Variants in SNX24 observed in about 807,000 individuals in gnomAD.
SNX24 encodes the protein sorting nexin-24.
In SNX24, 22 loss-of-function variants were observed where a neutral mutation model predicts 28.7. The ratio of observed to expected loss-of-function variants is 0.77; its 90% confidence interval spans 0.55 to 1.10. The LOEUF is 1.10. Among genes scored for constraint, SNX24 ranks in the 50% least tolerant of loss-of-function variants. The pLI is 0.00. For missense variants in SNX24, 221 were observed against 201.1 expected (o/e 1.10, Z -0.60); for synonymous variants, 69 against 71.5 (o/e 0.96, Z 0.18).
chr5:123,000,060 C>T (rs1762191707), intron 4 of SNX24, 54 bp downstream of exon 4: 7 of 1,168,776 alleles, frequency 6.0e-6, no homozygotes, highest in South Asian at 2.4e-5. Flanking sequence ...CTTCAATGAC[C>T]AATTGATCTA....
intron 3 of SNX24, among the ~76,000 whole-genome samples, chr5:122,997,684 C>A (rs13187952): frequency 6.6e-6 from 1 of 151,952 alleles, no homozygotes; most frequent in Non-Finnish European, 1.5e-5. Context: ...ATGGATGACA[C>A]GTCTAAAGAT....
chr5:122,994,843 G>A (rs933358747), intron 3 of SNX24, among the ~76,000 whole-genome samples: 1 of 152,150 alleles, frequency 6.6e-6, no homozygotes, highest in Non-Finnish European at 1.5e-5. Context: ...GTAACATTGT[G>A]TAAAGAAAAA....
chr5:122,986,989 A>G (rs543014309), intron 3 of SNX24, among the ~76,000 whole-genome samples: 1 of 152,266 alleles, frequency 6.6e-6, no homozygotes, highest in South Asian at 2.1e-4. Flanking sequence ...GCAGAGATAT[A>G]GGAATTGGCT....
At chr5:122,866,257 C>G (rs1755716987) in intron 1 of SNX24, among the ~76,000 whole-genome samples, 1 of 152,188 alleles carries the variant, frequency 6.6e-6, no homozygotes, top group Non-Finnish European at 1.5e-5. Context: ...TCAAGCAGTT[C>G]TCCTGCCTCA....
chr5:122,893,342 C>T (rs932606139), intron 1 of SNX24, among the ~76,000 whole-genome samples: 1 of 151,808 alleles, frequency 6.6e-6, no homozygotes, highest in African/African-American at 2.4e-5. Context: ...GCAGGTTCAC[C>T]TTGTACTTTC....
intron 1 of SNX24, among the ~76,000 whole-genome samples, chr5:122,855,610 A>G (rs950619169): frequency 3.3e-5 from 5 of 152,098 alleles, no homozygotes; most frequent in African/African-American, 7.2e-5. Context: ...ATGAGACCCA[A>G]TCTCTATTAA....
chr5:122,895,966 T>G (rs1358696554), intron 1 of SNX24, among the ~76,000 whole-genome samples: 1 of 152,132 alleles, frequency 6.6e-6, no homozygotes, highest in Non-Finnish European at 1.5e-5. Flanking sequence ...CTGGCCAACA[T>G]GGTGAAACCC....
At chr5:122,914,325 A>C (rs1294379080) in intron 1 of SNX24, among the ~76,000 whole-genome samples, 1 of 152,208 alleles carries the variant, frequency 6.6e-6, no homozygotes, top group East Asian at 1.9e-4. Flanking sequence ...TTTTTGCATC[A>C]ATGTTCATCA....
chr5:122,854,517 AAAAAAAAAAAC>A (rs1755086852), intron 1 of SNX24, among the ~76,000 whole-genome samples: 3 of 28,836 alleles, frequency 1.0e-4, no homozygotes, highest in East Asian at 1.1e-3. Context: ...CAAAAAAACA[AAAAAAAAAAAC>A]AAAAAAAAAA....
At chr5:122,856,873 A>G (rs1176383557) in intron 1 of SNX24, among the ~76,000 whole-genome samples, 3 of 152,050 alleles carry the variant, frequency 2.0e-5, no homozygotes, top group African/African-American at 4.8e-5. Flanking sequence ...CGTGACTCCA[A>G]AGTCTTCCAT....
chr5:122,982,377 A>G (rs1761429618), intron 3 of SNX24, among the ~76,000 whole-genome samples: 1 of 152,246 alleles, frequency 6.6e-6, no homozygotes, highest in South Asian at 2.1e-4. Flanking sequence ...TACTTTTTAT[A>G]TTACAGAATT....
chr5:122,854,280 G>A (rs970975919), intron 1 of SNX24, among the ~76,000 whole-genome samples: 14 of 151,990 alleles, frequency 9.2e-5, no homozygotes, highest in African/African-American at 2.4e-4. Context: ...AGGCTGAGGC[G>A]GGTGGATCAC....
intron 1 of SNX24, among the ~76,000 whole-genome samples, chr5:122,861,318 T>C (rs1345142845): frequency 6.6e-6 from 1 of 152,094 alleles, no homozygotes; most frequent in African/African-American, 2.4e-5. Flanking sequence ...TCAGCCTGGG[T>C]GACAGAGCGA....
chr5:122,887,998 G>T (rs142573444), intron 1 of SNX24, among the ~76,000 whole-genome samples: 2 of 152,216 alleles, frequency 1.3e-5, no homozygotes, highest in East Asian at 3.9e-4. Flanking sequence ...CACCGCACTC[G>T]GCCTATATTG....
At chr5:122,860,855 C>G (rs1356784930) in intron 1 of SNX24, among the ~76,000 whole-genome samples, 2 of 151,980 alleles carry the variant, frequency 1.3e-5, no homozygotes, top group Non-Finnish European at 2.9e-5. Context: ...CTTGGCCTCC[C>G]AAAGTGCTGG....
chr5:122,903,318 C>T (rs1403271883), intron 1 of SNX24, among the ~76,000 whole-genome samples: 1 of 152,062 alleles, frequency 6.6e-6, no homozygotes, highest in Non-Finnish European at 1.5e-5. Context: ...TCCATGTTGC[C>T]CAAGCTGGTC....
intron 5 of SNX24, among the ~76,000 whole-genome samples, chr5:123,027,503 G>A (rs34753686): frequency 0.027 from 4,099 of 152,266 alleles, 75 homozygotes; most frequent in Non-Finnish European, 0.037. Flanking sequence ...GGGCACCAGC[G>A]CTGCAGGGTT....
intron 3 of SNX24, among the ~76,000 whole-genome samples, chr5:122,977,700 T>G (rs1761224248): frequency 1.3e-5 from 2 of 152,316 alleles, no homozygotes; most frequent in Admixed American, 1.3e-4. Flanking sequence ...TTCATCACAA[T>G]TATTTGACTT....
intron 5 of SNX24, among the ~76,000 whole-genome samples, chr5:123,026,788 T>C (rs1465040749): frequency 6.6e-6 from 1 of 152,122 alleles, no homozygotes; most frequent in Non-Finnish European, 1.5e-5. Flanking sequence ...CCACAGACCA[T>C]AAGAAGGATC....
Sources: gnomAD v4.1 joint callset for allele counts (sites outside exome capture counted in the v4.1 genomes callset) on GRCh38, gnomAD v4.1.1 for gene constraint, MANE v1.5 for transcripts, NCBI Gene and HGNC (gene_info 2026-07-23, HGNC 2026-07-21) for gene names.